The following FLCN variants were observed in gnomAD, a reference collection of about 807,000 sequenced individuals.
The protein encoded by FLCN is folliculin.
In FLCN, 22 loss-of-function variants were observed where a neutral mutation model predicts 62.5. That is an observed-to-expected ratio of 0.35 (90% confidence interval 0.25 to 0.50). The LOEUF is 0.50. Ranked by LOEUF, FLCN falls within the 20% of genes least tolerant of loss-of-function variation. FLCN has a pLI of 0.97. For missense variants in FLCN, 657 were observed against 778.0 expected (o/e 0.84, Z 1.85); for synonymous variants, 319 against 310.0 (o/e 1.03, Z -0.30).
rs1293738356 is a variant in FLCN at position 17,228,180 on chromosome 17, A to T, written c.-24-19T>A. On this transcript the variant is annotated intron_variant, in intron 3 of 13. Transcript: ENST00000285071. Reference sequence around the variant, plus strand: ...AACAGGCCTGCGTGGGACAGGGGACATGTCAGCTTGCCAATGCCTATTGAC... The same window carrying T: ...AACAGGCCTGCGTGGGACAGGGGACTTGTCAGCTTGCCAATGCCTATTGAC... The T allele has an allele frequency of 1.9e-6, 3 of 1,603,030 alleles. No homozygotes were observed. The highest frequency in any genetic ancestry group is 1.1e-5 in the South Asian group (1 of 90,740).
chr17:17,226,345 A>C (rs1349035238), intron 4 of FLCN, 23 bp from the exon 5 acceptor site: 1 of 1,613,894 alleles, frequency 6.2e-7, no homozygotes, highest in African/African-American at 1.3e-5. Context: ...AGGAAAAGTA[A>C]ATCTGTTAGT....
intron 13 of FLCN, among the ~76,000 whole-genome samples, chr17:17,214,372 G>A (rs2046843078): frequency 6.6e-6 from 1 of 151,654 alleles, no homozygotes; most frequent in African/African-American, 2.4e-5. Flanking sequence ...AAGGTGGGCG[G>A]ATCACGAAGT....
chr17:17,217,051 A>G lies in FLCN; in HGVS notation c.1176+18T>C, dbSNP rs2144868327. The G allele has an allele frequency of 6.3e-7, 1 of 1,575,146 alleles. No homozygotes were observed. The highest frequency in any genetic ancestry group is 1.1e-5 in the South Asian group (1 of 90,270). On this transcript the variant is annotated intron_variant, in intron 10 of 13. Transcript: ENST00000285071. ...AATACTGCCCTGCGCCGCACACCTAAGGAAAAGATGTTCTCACCCGAAGTA... is the reference window on the plus strand; with the variant it reads ...AATACTGCCCTGCGCCGCACACCTAGGGAAAAGATGTTCTCACCCGAAGTA...
At chr17:17,217,473 T>A in intron 9 of FLCN, 1 of 459,060 alleles carries the variant, frequency 2.2e-6, no homozygotes, top group Non-Finnish European at 4.0e-6. Flanking sequence ...TGTGCAATAT[T>A]CACCTTCTCT....
chr17:17,221,390 T>C (rs1450440920), intron 8 of FLCN, 147 bp downstream of exon 8: 3 of 1,612,476 alleles, frequency 1.9e-6, no homozygotes, highest in Middle Eastern at 1.7e-4. Context: ...CACACCGAGA[T>C]CGGAGGGTGA....
At chr17:17,218,734 G>A (rs950765213) in intron 9 of FLCN, among the ~76,000 whole-genome samples, 7 of 152,158 alleles carry the variant, frequency 4.6e-5, no homozygotes, top group African/African-American at 1.7e-4. Context: ...CAATTACAGT[G>A]CTGTTCAATG....
At chr17:17,213,948 A>G (rs1184073991) in intron 13 of FLCN, 92 bp from the exon 14 acceptor site, 1 of 1,380,776 alleles carries the variant, frequency 7.2e-7, no homozygotes. Context: ...CGGCTTTGGC[A>G]CCAGCAGGAG....
In FLCN at chr17:17,217,192, A is replaced by C. The variant is rs2046952880; in HGVS notation, c.1063-10T>G. Reference sequence around the variant, plus strand: ...AAGGGGCACCCAGGACCTAAACAAGAGAGTGCAGTGCTTTCAGCGTGACTA... The same window carrying C: ...AAGGGGCACCCAGGACCTAAACAAGCGAGTGCAGTGCTTTCAGCGTGACTA... On this transcript the variant is annotated splice_polypyrimidine_tract_variant and intron_variant, in intron 9 of 13. Coordinates refer to ENST00000285071, the MANE Select transcript of FLCN (RefSeq NM_144997.7). 1.3e-6 allele frequency: 2 copies of C among 1,573,576 alleles called. No individual in the cohort carries two copies. Among genetic ancestry groups the C allele is most frequent in the Non-Finnish European group, 1.7e-6 (2 of 1,143,342 alleles).
intron 5 of FLCN, 143 bp from the exon 6 acceptor site, chr17:17,224,286 G>C (rs2047186881): frequency 1.3e-6 from 1 of 756,720 alleles, no homozygotes; most frequent in Non-Finnish European, 2.3e-6. Context: ...GGGGCCATGA[G>C]AGCCGAAGAC....
chr17:17,236,290 C>G (rs1411204761), intron 1 of FLCN, among the ~76,000 whole-genome samples: 1 of 152,190 alleles, frequency 6.6e-6, no homozygotes, highest in Non-Finnish European at 1.5e-5. Flanking sequence ...TCACAGAGCT[C>G]CCTGACATAG....
At chr17:17,228,304 G>A in intron 3 of FLCN, 143 bp from the exon 4 acceptor site, 1 of 978,088 alleles carries the variant, frequency 1.0e-6, no homozygotes, top group Non-Finnish European at 1.5e-6. Context: ...CCAGCCCCCT[G>A]CCAGCACTGC....
chr17:17,219,290 A>G (rs1378902000), intron 8 of FLCN, 81 bp from the exon 9 acceptor site: 10 of 1,357,270 alleles, frequency 7.4e-6, no homozygotes, highest in Non-Finnish European at 9.0e-6. Context: ...TCATGGGCTG[A>G]GCCGGTCAGT....
At position 17,227,758 on chromosome 17, in the gene FLCN, G is replaced by A. The variant is rs866218534; in HGVS notation, c.249+131C>T. 1.8e-4 allele frequency: 226 copies of A among 1,287,644 alleles called. 2 individuals are homozygous for A. The highest frequency in any genetic ancestry group is 6.3e-4 in the African/African-American group (43 of 67,962). The allele number at this position is 1,287,644 out of a possible 1,614,324, so 79.8% of individuals were successfully genotyped here. A position where few individuals can be genotyped will look rare whatever the true frequency, so the allele number is the denominator to read the frequency against. ...AACAAAAGCTACAGTCAGGATGAGC[G>A]GAAAGAACTGAAGGGCCCCTGAGAA... On this transcript the variant is annotated intron_variant, in intron 4 of 13. Coordinates refer to ENST00000285071, the MANE Select transcript of FLCN (RefSeq NM_144997.7).
chr17:17,231,365 T>C (rs1691353624), intron 3 of FLCN, among the ~76,000 whole-genome samples: 2 of 152,088 alleles, frequency 1.3e-5, no homozygotes, highest in Admixed American at 1.3e-4. Flanking sequence ...GCCCCATTGC[T>C]TTCTGGGTGT....
chr17:17,222,853 G>C (rs951368171), intron 6 of FLCN, 192 bp from the exon 7 acceptor site: 6 of 683,586 alleles, frequency 8.8e-6, no homozygotes, highest in Non-Finnish European at 1.5e-5. Context: ...GGCTACATCA[G>C]GAGCTATCCG....
rs1330502193 is a variant in FLCN, at chr17:17,226,166, C to T, written c.396+10G>A. 1 of 1,614,022 alleles carries T rather than the reference C, an allele frequency of 6.2e-7. No homozygotes were observed. Among genetic ancestry groups the T allele is most frequent in the Non-Finnish European group, 8.5e-7 (1 of 1,179,994 alleles). Reference sequence around the variant, plus strand: ...CCCACAGAGACAGGCTCTGTGGCCACAAGGCTCACCTCACAGCTCAGGCTC... The same window carrying T: ...CCCACAGAGACAGGCTCTGTGGCCATAAGGCTCACCTCACAGCTCAGGCTC... On this transcript the variant is annotated intron_variant, in intron 5 of 13. Transcript: ENST00000285071.
chr17:17,218,106 T>C (rs1013422825), intron 9 of FLCN, among the ~76,000 whole-genome samples: 1 of 152,182 alleles, frequency 6.6e-6, no homozygotes, highest in African/African-American at 2.4e-5. Flanking sequence ...TCAGTGCTCA[T>C]TGGAAAAATT....
At chr17:17,234,254 C>T (rs1392931464) in intron 1 of FLCN, among the ~76,000 whole-genome samples, 1 of 150,562 alleles carries the variant, frequency 6.6e-6, no homozygotes, top group East Asian at 2.0e-4. Flanking sequence ...TTCTGTTGCC[C>T]AGGCTGGAGT....
Position 17,214,764 on chromosome 17 carries a change from C to T in FLCN, c.1538+221G>A, listed in dbSNP as rs147007255. Among the ~76,000 whole-genome samples the T allele has an allele frequency of 8.0e-3, 1,216 of 152,178 alleles. 50 individuals carry two copies. The highest frequency in any genetic ancestry group is 0.061 in the Admixed American group (935 of 15,276). ...AGCCTCAGTCGCTCTCCAAGGCAGG[C>T]GCCACCCCCACCTCCCCATGCAGGA... On this transcript the variant is annotated intron_variant, in intron 13 of 13. Transcript: ENST00000285071.
Sources: allele counts gnomAD v4.1 joint callset (sites outside exome capture counted in the v4.1 genomes callset), GRCh38; gene constraint gnomAD v4.1.1; transcripts MANE v1.5; gene names NCBI Gene and HGNC (gene_info 2026-07-23, HGNC 2026-07-21).